Variants in SMPD4 observed in about 807,000 individuals in gnomAD.
SMPD4 encodes neutral sphingomyelinase 3.
Under a neutral mutation model 97.8 loss-of-function variants are expected in SMPD4, and 58 were observed. The ratio of observed to expected loss-of-function variants is 0.59; its 90% confidence interval spans 0.48 to 0.74. The LOEUF (loss-of-function observed/expected upper bound fraction) is 0.74, where lower values mean the gene tolerates loss of function less well. SMPD4 is among the 30% of genes least tolerant of loss of function. The probability of loss-of-function intolerance (pLI) is 0.00; values close to 1 mark genes in which losing one functional copy is unlikely to be tolerated. For synonymous variants in SMPD4, 388 were observed against 450.0 expected, an observed-to-expected ratio of 0.86 and a Z score of 1.74; for missense variants, 853 against 1,080.5, an observed-to-expected ratio of 0.79 and a Z score of 2.95.
chr2:130,162,547 G>T (rs1687528936), intron 10 of SMPD4, among the ~76,000 whole-genome samples: 2 of 152,180 alleles, frequency 1.3e-5, no homozygotes, highest in Non-Finnish European at 1.5e-5. Context: ...CAGGAACACA[G>T]TGGCCTACAG....
Position 130,178,769 on chromosome 2 carries a change from G to A in SMPD4, c.-45-2132C>T, listed in dbSNP as rs114492569. ...AAGATCACACCATTGCACTCTAGCC[G>A]GGGTGATAGAGGGAAACTCTCAAAA... On this transcript the variant is annotated intron_variant, in intron 1 of 19. Coordinates refer to ENST00000680298, the MANE Select transcript of SMPD4 (RefSeq NM_017951.5). Among the ~76,000 whole-genome samples the A allele has an allele frequency of 8.5e-3, 1,279 of 151,328 alleles. 8 individuals carry two copies. The highest frequency in any genetic ancestry group is 0.017 in the Admixed American group (254 of 15,142).
chr2:130,170,442 C>A (rs1355955154), intron 8 of SMPD4, among the ~76,000 whole-genome samples: 1 of 89,850 alleles, frequency 1.1e-5, no homozygotes, highest in East Asian at 3.8e-4. Context: ...GCCTGGGCAA[C>A]AGAGTAAGAC....
Position 130,156,696 on chromosome 2 carries a change from C to T in SMPD4, c.1098-21G>A, listed in dbSNP as rs1686832463. On this transcript the variant is annotated intron_variant, in intron 12 of 19. Transcript: ENST00000680298. ...CAGCCCTGCAGGGGATGGGGAGGGT[C>T]ACCTGCTGCTTGCCCAGTAAGGAGG... 1.1e-5 allele frequency: 17 copies of T among 1,608,172 alleles called. No homozygotes were observed. The East Asian group carries it at 3.8e-4, about 36-fold the overall frequency.
intron 2 of SMPD4, among the ~76,000 whole-genome samples, chr2:130,175,292 G>GT (rs1232176526): frequency 2.0e-5 from 3 of 152,040 alleles, no homozygotes; most frequent in African/African-American, 7.3e-5. Context: ...CATAAGTAGG[G>GT]GTTGGTCCCA....
Position 130,181,258 on chromosome 2 carries a change from A to G in SMPD4, c.-46+272T>C, listed in dbSNP as rs568208873. ...TCAACACAAAGCTCTCCTTCCCTCAATTCCTTCAACGAAGGTTAACCTTCA... is the reference window on the plus strand; with the variant it reads ...TCAACACAAAGCTCTCCTTCCCTCAGTTCCTTCAACGAAGGTTAACCTTCA... On this transcript the variant is annotated intron_variant, in intron 1 of 19. Transcript: ENST00000680298. 9.7e-5 allele frequency: 131 copies of G among 1,352,708 alleles called. No homozygotes were observed. In the East Asian group the frequency reaches 2.9e-3, roughly 30 times the overall value. The allele number at this position is 1,352,708 out of a possible 1,614,324, so 83.8% of individuals were successfully genotyped here. A position where few individuals can be genotyped will look rare whatever the true frequency, so the allele number is the denominator to read the frequency against.
intron 1 of SMPD4, among the ~76,000 whole-genome samples, chr2:130,177,062 A>G (rs2104920220): frequency 6.6e-6 from 1 of 152,268 alleles, no homozygotes; most frequent in East Asian, 1.9e-4. Flanking sequence ...CGCAACACAC[A>G]TTACATTGCC....
chr2:130,178,817 AAAAG>A (rs1056927123), intron 1 of SMPD4, among the ~76,000 whole-genome samples: 3 of 152,016 alleles, frequency 2.0e-5, no homozygotes, highest in Non-Finnish European at 4.4e-5. Context: ...AAAAGAAAAA[AAAAG>A]AAAGAAAACT....
chr2:130,161,160 G>A (rs1687362080), intron 11 of SMPD4, 26 bp downstream of exon 11: 4 of 1,609,848 alleles, frequency 2.5e-6, no homozygotes, highest in East Asian at 4.5e-5. Context: ...CTCTGGGCAG[G>A]AGGAAGGGAA....
At position 130,154,280 on chromosome 2, in the gene SMPD4, G is replaced by C. The variant is rs751675499; in HGVS notation, c.1656C>G (p.Thr552=). 1.3e-6 allele frequency: 2 copies of C among 1,596,814 alleles called. No individual in the cohort carries two copies. The highest frequency in any genetic ancestry group is 1.7e-5 in the Admixed American group (1 of 59,492). ...CAGGCACCGCCGAACCACTCACCAG[G>C]GTGCGGGCCTCGGGCCCAAACATCG... The part of the protein sequence containing the change: ...YTPMFGPEAR[T]LVLRLAQLIT... The change falls in exon 16 of 20, where the codon ACC becomes ACG. Residue 552 remains threonine (T), a synonymous_variant. Transcript: ENST00000680298.
chr2:130,156,940 C>A, intron 12 of SMPD4: 1 of 982,768 alleles, frequency 1.0e-6, no homozygotes, highest in Non-Finnish European at 1.5e-6. Flanking sequence ...ACAGCCCACT[C>A]TGCTGGCCCT....
chr2:130,152,709 T>C lies in SMPD4; in HGVS notation c.2330A>G (p.Tyr777Cys), dbSNP rs1390620477. 1.3e-6 allele frequency: 2 copies of C among 1,579,556 alleles called. No individual in the cohort carries two copies. Among genetic ancestry groups the C allele is most frequent in the Non-Finnish European group, 1.7e-6 (2 of 1,164,020 alleles). The change falls in exon 20 of 20, where the codon TAC becomes TGC. Residue 777 changes from tyrosine to cysteine, a missense_variant. Transcript: ENST00000680298. ...PRLSLRFLGS[Y>C]RTLVSLLLAF... ...CAGCAGCAGCGAGACCAGCGTCCGG[T>C]AACTGCCCAGGAAGCGCAGGCTGAG... is the stretch of plus-strand genomic sequence containing the variant.
intron 9 of SMPD4, among the ~76,000 whole-genome samples, chr2:130,165,902 C>T (rs1176195016): frequency 6.6e-6 from 1 of 152,144 alleles, no homozygotes; most frequent in East Asian, 1.9e-4. Context: ...AGATGAAAAG[C>T]ATTCTGGAGA....
intron 8 of SMPD4, among the ~76,000 whole-genome samples, chr2:130,171,005 G>A (rs1354886328): frequency 6.6e-6 from 1 of 151,870 alleles, no homozygotes; most frequent in East Asian, 1.9e-4. Flanking sequence ...AGGTTGCAGT[G>A]AGCCAAGATC....
At chr2:130,158,301 C>G (rs1219312387) in intron 11 of SMPD4, 2 of 1,235,938 alleles carry the variant, frequency 1.6e-6, no homozygotes, top group Non-Finnish European at 2.1e-6. Flanking sequence ...AAAGCACAGT[C>G]AAGCATATTA....
In SMPD4 at chr2:130,176,577, G is replaced by T; in HGVS notation, c.16C>A (p.Leu6Met). 1 of 1,613,484 alleles carries T rather than the reference G, an allele frequency of 6.2e-7. No homozygotes were observed. The highest frequency in any genetic ancestry group is 2.2e-5 in the East Asian group (1 of 44,878). MAFPH[L>M]QQPSFLLASL... is the part of the protein sequence containing the mutation. ...ACCAGTAGAAAGCTGGGCTGCTGCA[G>T]GTGAGGGAACGCCATAGCAGCCTCC... The change falls in exon 2 of 20, where the codon CTG (leucine) becomes ATG (methionine). Residue 6 changes from leucine (L) to methionine (M), a missense_variant. Physicochemically the swap from Leu to Met is conservative, Grantham distance 15 (BLOSUM62 2). This residue lies in a region of SMPD4 where 313 missense variants were observed against 402.2 expected (regional missense o/e 0.78). Transcript: ENST00000680298.
At chr2:130,169,581 CT>C (rs960600094) in intron 8 of SMPD4, among the ~76,000 whole-genome samples, 2 of 149,798 alleles carry the variant, frequency 1.3e-5, no homozygotes, top group Non-Finnish European at 1.5e-5. Flanking sequence ...TTTTTTTTCC[CT>C]GAGACAGGAT....
intron 1 of SMPD4, 119 bp downstream of exon 1, chr2:130,181,411 G>C (rs1183293635): frequency 1.2e-5 from 18 of 1,491,390 alleles, no homozygotes; most frequent in Non-Finnish European, 1.5e-5. Flanking sequence ...TGCCTGGGCA[G>C]AGCCGGCTGG....
intron 13 of SMPD4, 46 bp from the exon 14 acceptor site, chr2:130,156,181 T>A (rs755523758): frequency 1.6e-5 from 25 of 1,539,628 alleles, no homozygotes; most frequent in Non-Finnish European, 2.1e-5. Context: ...GGGGGCCAAA[T>A]ACTCGGTGGC....
chr2:130,164,532 G>C, intron 9 of SMPD4, 87 bp from the exon 10 acceptor site: 2 of 1,095,822 alleles, frequency 1.8e-6, no homozygotes, highest in Non-Finnish European at 2.7e-6. Flanking sequence ...CCAACAAGCA[G>C]AGCTGGGAAC....
Sources: gnomAD v4.1 joint callset for allele counts (sites outside exome capture counted in the v4.1 genomes callset) on GRCh38, gnomAD v4.1.1 for gene constraint, gnomAD v4.1.1 regional missense constraint, MANE v1.5 for transcripts, NCBI Gene and HGNC (gene_info 2026-07-23, HGNC 2026-07-21) for gene names.